The following POU2F1 variants were observed in gnomAD, a reference collection of about 807,000 sequenced individuals.
POU2F1 encodes POU class 2 homeobox 1.
In POU2F1, 16 loss-of-function variants were observed where a neutral mutation model predicts 84.9. The observed-to-expected ratio is 0.19, with a 90% CI of 0.13 to 0.29. The LOEUF (loss-of-function observed/expected upper bound fraction) is 0.29, where lower values mean the gene tolerates loss of function less well. Among genes scored for constraint, POU2F1 ranks in the 10% least tolerant of loss-of-function variants. POU2F1 has a pLI of 1.00. For synonymous variants in POU2F1, 368 were observed against 368.3 expected, an observed-to-expected ratio of 1.00 and a Z score of 0.01; for missense variants, 738 against 942.6, an observed-to-expected ratio of 0.78 and a Z score of 2.84.
At chr1:167,282,880 A>T (rs760308833) in intron 1 of POU2F1, among the ~76,000 whole-genome samples, 2 of 152,218 alleles carry the variant, frequency 1.3e-5, no homozygotes, top group Non-Finnish European at 2.9e-5. Context: ...TCTGCTGATT[A>T]TGTCTTCTTG....
At chr1:167,276,729 A>G (rs1218436947) in intron 1 of POU2F1, among the ~76,000 whole-genome samples, 2 of 152,220 alleles carry the variant, frequency 1.3e-5, no homozygotes, top group Non-Finnish European at 2.9e-5. Flanking sequence ...AAGAACAGGA[A>G]GAATGGAAGT....
At chr1:167,296,557 GTGTT>G (rs767853391) in intron 1 of POU2F1, among the ~76,000 whole-genome samples, 35 of 152,146 alleles carry the variant, frequency 2.3e-4, no homozygotes, top group Non-Finnish European at 4.0e-4. Context: ...TAAAGGAAAA[GTGTT>G]TGGTCAGATT....
intron 7 of POU2F1, among the ~76,000 whole-genome samples, chr1:167,382,180 A>G (rs1426153661): frequency 1.3e-5 from 2 of 152,224 alleles, no homozygotes; most frequent in Non-Finnish European, 2.9e-5. Context: ...ATGTAAACAA[A>G]TGGTTTAGAT....
intron 1 of POU2F1, among the ~76,000 whole-genome samples, chr1:167,259,597 AAGAT>A (rs1221720894): frequency 1.3e-5 from 2 of 152,124 alleles, no homozygotes; most frequent in African/African-American, 2.4e-5. Flanking sequence ...TTGTGTGTGT[AAGAT>A]AGAGTGCATG....
chr1:167,291,209 C>G (rs1361186845), intron 1 of POU2F1, among the ~76,000 whole-genome samples: 2 of 152,152 alleles, frequency 1.3e-5, no homozygotes, highest in African/African-American at 2.4e-5. Flanking sequence ...ATCATGCAAC[C>G]TTGCACATCA....
chr1:167,295,402 A>T (rs990094132), intron 1 of POU2F1, among the ~76,000 whole-genome samples: 1 of 152,222 alleles, frequency 6.6e-6, no homozygotes, highest in Non-Finnish European at 1.5e-5. Context: ...GCTGCAGGCC[A>T]TTATTCTAAG....
At chr1:167,278,749 A>G (rs776719478) in intron 1 of POU2F1, among the ~76,000 whole-genome samples, 2 of 152,178 alleles carry the variant, frequency 1.3e-5, no homozygotes, top group Non-Finnish European at 2.9e-5. Flanking sequence ...AGTGCTTACA[A>G]TACGCCAGAC....
chr1:167,420,749 AGGAGGCAGGG>A lies in POU2F1; in HGVS notation c.*4941_*4950del, dbSNP rs1432245717. ...CTGAGTGTAGGGTGTGGTAGCAAGG[AGGAGGCAGGG>A]GATTCACGCTGACAGGTGGCTCTGG... On this transcript the variant is annotated 3_prime_UTR_variant, in exon 16 of 16. Transcript: ENST00000367866. The A allele has an allele frequency of 6.6e-6, 1 of 152,160 alleles. No individual in the cohort carries two copies. Among genetic ancestry groups the A allele is most frequent in the African/African-American group, 2.4e-5 (1 of 41,408 alleles). The allele number at this position is 152,160 out of a possible 1,614,324, so 9.4% of individuals were successfully genotyped here. A position where few individuals can be genotyped will look rare whatever the true frequency, so the allele number is the denominator to read the frequency against.
intron 2 of POU2F1, among the ~76,000 whole-genome samples, chr1:167,363,265 TAGTGTGTTAATCTTTTA>T (rs1254109839): frequency 6.6e-6 from 1 of 152,190 alleles, no homozygotes; most frequent in African/African-American, 2.4e-5. Context: ...CTCCTATTAG[TAGTGTGTTAATCTTTTA>T]AGTGCTTGTC....
intron 1 of POU2F1, among the ~76,000 whole-genome samples, chr1:167,304,919 G>A (rs1012844679): frequency 6.6e-6 from 1 of 152,142 alleles, no homozygotes; most frequent in South Asian, 2.1e-4. Flanking sequence ...TATAGAAAGA[G>A]TATTATTCAG....
intron 12 of POU2F1, among the ~76,000 whole-genome samples, chr1:167,400,453 G>GA (rs1649131294): frequency 6.6e-6 from 1 of 152,136 alleles, no homozygotes; most frequent in Non-Finnish European, 1.5e-5. Context: ...TTTTATTCAT[G>GA]TTGAGTCCTA....
intron 1 of POU2F1, among the ~76,000 whole-genome samples, chr1:167,326,898 A>G (rs907290063): frequency 4.6e-5 from 7 of 152,244 alleles, no homozygotes; most frequent in African/African-American, 9.6e-5. Context: ...AGAAAAGGGC[A>G]GATGGTAAGT....
intron 2 of POU2F1, among the ~76,000 whole-genome samples, chr1:167,351,093 C>G (rs1658529095): frequency 6.6e-6 from 1 of 152,172 alleles, no homozygotes; most frequent in Admixed American, 6.5e-5. Context: ...TGGCTCACAC[C>G]TGTAATCCAA....
intron 2 of POU2F1, among the ~76,000 whole-genome samples, chr1:167,359,898 G>T (rs1659239687): frequency 6.7e-6 from 1 of 148,488 alleles, no homozygotes; most frequent in South Asian, 2.1e-4. Context: ...GTGTGAGATG[G>T]TATCTCATTG....
intron 3 of POU2F1, among the ~76,000 whole-genome samples, chr1:167,367,719 A>T (rs1386446247): frequency 1.3e-5 from 2 of 152,158 alleles, no homozygotes; most frequent in African/African-American, 4.8e-5. Context: ...CCATATGTGT[A>T]TATGTATGTA....
At chr1:167,282,135 A>T (rs117088351) in intron 1 of POU2F1, among the ~76,000 whole-genome samples, 1 of 149,726 alleles carries the variant, frequency 6.7e-6, no homozygotes, top group African/African-American at 2.5e-5. Flanking sequence ...AAACAAAAGA[A>T]TTTTTTTTCT....
At chr1:167,409,812 C>T (rs1190585710) in intron 13 of POU2F1, among the ~76,000 whole-genome samples, 1 of 152,080 alleles carries the variant, frequency 6.6e-6, no homozygotes, top group Non-Finnish European at 1.5e-5. Flanking sequence ...ATAGGCAATT[C>T]AATTTCAGAA....
At chr1:167,270,351 G>A (rs1652281453) in intron 1 of POU2F1, among the ~76,000 whole-genome samples, 1 of 152,034 alleles carries the variant, frequency 6.6e-6, no homozygotes, top group Admixed American at 6.6e-5. Context: ...CCTGAATATT[G>A]CTTTTCAGGA....
At chr1:167,227,857 G>A (rs957111929) in intron 1 of POU2F1, among the ~76,000 whole-genome samples, 17 of 152,170 alleles carry the variant, frequency 1.1e-4, no homozygotes, top group Non-Finnish European at 1.6e-4. Flanking sequence ...AAGAGCCAGA[G>A]CATCCTAGAA....
Sources: gnomAD v4.1 joint callset for allele counts (sites outside exome capture counted in the v4.1 genomes callset) on GRCh38, gnomAD v4.1.1 for gene constraint, MANE v1.5 for transcripts, NCBI Gene and HGNC (gene_info 2026-07-23, HGNC 2026-07-21) for gene names.